ARB2A: variants seen among roughly 807,000 people sequenced by gnomAD.
ARB2A encodes ARB2 cotranscriptional regulator A, also known as cotranscriptional regulator ARB2A.
At chr5:94,074,330 A>C in the ARB2A span, among the ~76,000 whole-genome samples, 1 of 152,066 alleles carries the variant, frequency 6.6e-6, no homozygotes, top group South Asian at 2.1e-4. Flanking sequence ...ATGACATTCC[A>C]AGCAGAAAAC....
the ARB2A span, among the ~76,000 whole-genome samples, chr5:93,923,171 A>G: frequency 6.6e-6 from 1 of 151,946 alleles, no homozygotes; most frequent in Admixed American, 6.6e-5. Flanking sequence ...GTCAATTTAT[A>G]TTTTCTTCCT....
the ARB2A span, among the ~76,000 whole-genome samples, chr5:94,013,228 G>C: frequency 6.8e-6 from 1 of 148,122 alleles, no homozygotes; most frequent in Non-Finnish European, 1.5e-5. Context: ...ACCCAGGCTG[G>C]AATGCAGTGG....
the ARB2A span, among the ~76,000 whole-genome samples, chr5:93,772,100 A>T: frequency 1.1e-4 from 16 of 152,296 alleles, no homozygotes; most frequent in East Asian, 5.8e-4. Context: ...ATGTGGCACA[A>T]ATACACCATG....
chr5:93,731,602 C>T, the ARB2A span, among the ~76,000 whole-genome samples: 1 of 152,220 alleles, frequency 6.6e-6, no homozygotes, highest in East Asian at 1.9e-4. Context: ...TAAGATTTTC[C>T]ACTACTCAAT....
chr5:94,075,977 A>G, the ARB2A span, among the ~76,000 whole-genome samples: 1 of 152,178 alleles, frequency 6.6e-6, no homozygotes, highest in Non-Finnish European at 1.5e-5. Flanking sequence ...TAAAATGGAA[A>G]TGATAATCAT....
At chr5:93,986,313 A>G in the ARB2A span, among the ~76,000 whole-genome samples, 1 of 142,816 alleles carries the variant, frequency 7.0e-6, no homozygotes, top group African/African-American at 2.6e-5. Context: ...CAGCCGCCCC[A>G]TCTGGGAGGT....
the ARB2A span, chr5:93,824,069 A>T: frequency 8.1e-7 from 1 of 1,231,104 alleles, no homozygotes; most frequent in East Asian, 2.8e-5. Context: ...CTTAAAGAGT[A>T]TTGATACCAA....
chr5:93,934,471 G>A, the ARB2A span, among the ~76,000 whole-genome samples: 1 of 152,098 alleles, frequency 6.6e-6, no homozygotes, highest in Non-Finnish European at 1.5e-5. Flanking sequence ...GCAAGTGAAG[G>A]AATGACCCTA....
the ARB2A span, among the ~76,000 whole-genome samples, chr5:93,649,241 A>T: frequency 1.3e-5 from 2 of 152,308 alleles, no homozygotes; most frequent in South Asian, 4.2e-4. Flanking sequence ...GAGGGTTCTT[A>T]TCCTGGCAAT....
the ARB2A span, among the ~76,000 whole-genome samples, chr5:93,654,631 G>A: frequency 6.6e-6 from 1 of 152,130 alleles, no homozygotes; most frequent in Non-Finnish European, 1.5e-5. Flanking sequence ...AATTGCTAAT[G>A]TCTGTTTTTC....
chr5:94,056,010 T>C, the ARB2A span: 1 of 723,274 alleles, frequency 1.4e-6, no homozygotes, highest in Non-Finnish European at 1.7e-6. Flanking sequence ...TAACAAGTAT[T>C]ATCATATTCA....
At chr5:93,854,499 T>C in the ARB2A span, among the ~76,000 whole-genome samples, 1 of 152,210 alleles carries the variant, frequency 6.6e-6, no homozygotes, top group Non-Finnish European at 1.5e-5. Flanking sequence ...TTCTGCTAGC[T>C]TTTGAATGTG....
chr5:93,830,343 A>ATATATATATG, the ARB2A span, among the ~76,000 whole-genome samples: 1 of 141,634 alleles, frequency 7.1e-6, no homozygotes, highest in South Asian at 2.2e-4. Context: ...ATATATATAT[A>ATATATATATG]TATATATATC....
chr5:94,005,387 T>C, the ARB2A span, among the ~76,000 whole-genome samples: 17 of 152,244 alleles, frequency 1.1e-4, no homozygotes, highest in Admixed American at 2.0e-4. Flanking sequence ...TTTTGTATTT[T>C]AGTAGAGATA....
the ARB2A span, among the ~76,000 whole-genome samples, chr5:94,011,896 A>G: frequency 6.6e-6 from 1 of 150,422 alleles, no homozygotes; most frequent in African/African-American, 2.4e-5. Flanking sequence ...AAAAAAAAAA[A>G]AAAGACCTAG....
chr5:93,790,320 T>TA, the ARB2A span, among the ~76,000 whole-genome samples: 1 of 152,198 alleles, frequency 6.6e-6, no homozygotes, highest in Non-Finnish European at 1.5e-5. Context: ...TCCGAATCTT[T>TA]AAAAAGTGCA....
At chr5:93,938,220 G>A in the ARB2A span, among the ~76,000 whole-genome samples, 1 of 152,038 alleles carries the variant, frequency 6.6e-6, no homozygotes, top group Non-Finnish European at 1.5e-5. Flanking sequence ...TACTCAAAGA[G>A]TAAAAATTAA....
the ARB2A span, among the ~76,000 whole-genome samples, chr5:93,792,948 T>C: frequency 6.6e-6 from 1 of 152,136 alleles, no homozygotes; most frequent in African/African-American, 2.4e-5. Context: ...CAATTCCTTT[T>C]TAAGTACACA....
the ARB2A span, among the ~76,000 whole-genome samples, chr5:93,665,151 T>C: frequency 2.6e-5 from 4 of 152,326 alleles, no homozygotes; most frequent in East Asian, 5.8e-4. Context: ...CAGTTTCATA[T>C]GTATATTCAA....
Sources: allele counts gnomAD v4.1 joint callset (sites outside exome capture counted in the v4.1 genomes callset), GRCh38; gene constraint gnomAD v4.1.1; transcripts MANE v1.5; gene names NCBI Gene and HGNC (gene_info 2026-07-23, HGNC 2026-07-21).